Variants in ADGRG1 observed in about 807,000 individuals in gnomAD.
ADGRG1 encodes the protein adhesion G protein-coupled receptor G1, also known as 7-transmembrane protein with no EGF-like N-terminal domains-1.
Under a neutral mutation model 73.5 loss-of-function variants are expected in ADGRG1, and 53 were observed. That is an observed-to-expected ratio of 0.72 (90% confidence interval 0.58 to 0.91). ADGRG1 has a LOEUF of 0.91. Among genes scored for constraint, ADGRG1 ranks in the 40% least tolerant of loss-of-function variants. The pLI, the probability that ADGRG1 is intolerant of heterozygous loss-of-function variation, is 0.00. For missense variants in ADGRG1, 795 were observed against 871.8 expected (o/e 0.91, Z 1.11); for synonymous variants, 394 against 374.4 (o/e 1.05, Z -0.60).
intron 2 of ADGRG1, chr16:57,621,902 G>T: frequency 1.0e-6 from 1 of 983,064 alleles, no homozygotes; most frequent in South Asian, 4.7e-5. Flanking sequence ...CAGGAAGGGA[G>T]GTTTCTACAG....
chr16:57,647,310 G>C, intron 1 of ADGRG1: 1 of 985,336 alleles, frequency 1.0e-6, no homozygotes, highest in Non-Finnish European at 1.2e-6. Context: ...CATGCTCTAA[G>C]AATTTCCCCT....
chr16:57,632,226 C>T (rs561232591), intron 1 of ADGRG1: 47 of 985,344 alleles, frequency 4.8e-5, no homozygotes, highest in Non-Finnish European at 5.2e-5. Context: ...GGCACATGCT[C>T]GTGTCTTGAA....
At chr16:57,644,399 C>G (rs1435456545) in intron 1 of ADGRG1, among the ~76,000 whole-genome samples, 2 of 149,424 alleles carry the variant, frequency 1.3e-5, no homozygotes, top group South Asian at 2.1e-4. Context: ...CATATGCACA[C>G]TAATGCATGG....
At chr16:57,635,083 G>A (rs558473109) in intron 1 of ADGRG1, 1 of 985,322 alleles carries the variant, frequency 1.0e-6, no homozygotes, top group Non-Finnish European at 1.2e-6. Flanking sequence ...AGAGGCTGAG[G>A]GAGGTCAGGA....
rs546145304 is a variant in ADGRG1 at position 57,650,183 on chromosome 16, C to T, written c.-35-70C>T. ...TCCCACATCCATGCCACACTGGCCT[C>T]CTCTTCTGCAGGGCCAGCCCAACCA... On this transcript the variant is annotated intron_variant, in intron 1 of 13. Coordinates refer to ENST00000562631, the MANE Select transcript of ADGRG1 (RefSeq NM_201525.4). 1.1e-5 allele frequency: 18 copies of T among 1,573,818 alleles called. 1 individual carries two copies. The South Asian group carries it at 1.7e-4, about 15-fold the overall frequency.
At chr16:57,642,412 A>G in intron 1 of ADGRG1, 1 of 985,166 alleles carries the variant, frequency 1.0e-6, no homozygotes, top group Non-Finnish European at 1.2e-6. Flanking sequence ...GGGACAGCTC[A>G]AAGGGGAAGG....
At position 57,642,014 on chromosome 16, in the gene ADGRG1, A is replaced by G. The variant is rs140329167; in HGVS notation, c.-35-8239A>G. On this transcript the variant is annotated intron_variant, in intron 1 of 13. Transcript: ENST00000562631. ...GCAATTCTCTTGCCTCAGCCTCCCA[A>G]GTAGCTGGTACTACAGGCAAGCACT... 8.9e-3 allele frequency: 7,713 copies of G among 864,572 alleles called. 37 individuals carry two copies. The highest frequency in any genetic ancestry group is 9.8e-3 in the Non-Finnish European group (7,084 of 719,872). The allele number at this position is 864,572 out of a possible 1,614,324, so 53.6% of individuals were successfully genotyped here.
intron 1 of ADGRG1, chr16:57,648,376 C>T: frequency 1.2e-6 from 1 of 850,610 alleles, no homozygotes; most frequent in Non-Finnish European, 1.4e-6. Flanking sequence ...TTCCCTAAAA[C>T]ACTTTCACAT....
At chr16:57,635,613 C>T (rs770693111) in intron 1 of ADGRG1, 55 of 985,192 alleles carry the variant, frequency 5.6e-5, no homozygotes, top group Non-Finnish European at 6.6e-5. Flanking sequence ...ACCACGTGAG[C>T]ACAGGAGTGA....
chr16:57,659,799 A>G (rs2046644774), intron 11 of ADGRG1, 118 bp downstream of exon 11: 1 of 1,063,488 alleles, frequency 9.4e-7, no homozygotes, highest in Admixed American at 2.0e-5. Flanking sequence ...GGCCTCCTTC[A>G]CTCATCCTCA....
chr16:57,636,142 C>A, intron 1 of ADGRG1: 1 of 985,346 alleles, frequency 1.0e-6, no homozygotes, highest in East Asian at 1.1e-4. Context: ...GGAACGGGAC[C>A]CACTTTTCTT....
At chr16:57,651,741 G>T in intron 3 of ADGRG1, 119 bp downstream of exon 3, 1 of 1,502,600 alleles carries the variant, frequency 6.7e-7, no homozygotes, top group Middle Eastern at 2.3e-4. Flanking sequence ...TTGCTCACAG[G>T]CACTGGGGAG....
At position 57,654,068 on chromosome 16, in the gene ADGRG1, G is replaced by A. The variant is rs139207635; in HGVS notation, c.703G>A (p.Ala235Thr). The A allele has an allele frequency of 1.7e-5, 27 of 1,613,964 alleles. No homozygotes were observed. The highest frequency in any genetic ancestry group is 3.3e-5 in the Admixed American group (2 of 60,032). ...GTCCTTCGAGGAGGACCGGATCAAC[G>A]CCACGGTGTGGAAGCTCCAGCCCAC... ...MVSFEEDRIN[A>T]TVWKLQPTAG... Residue 235 changes from alanine to threonine, a missense_variant, in exon 5 of 14, where the codon GCC becomes ACC. Physicochemically the swap from Ala to Thr is moderately conservative, Grantham distance 58. Transcript: ENST00000562631.
At chr16:57,662,694 T>C (rs2047500001) in intron 13 of ADGRG1, among the ~76,000 whole-genome samples, 1 of 151,758 alleles carries the variant, frequency 6.6e-6, no homozygotes, top group South Asian at 2.1e-4. Context: ...TGGCGGCGGG[T>C]CGGGGCGGAG....
chr16:57,661,835 A>G lies in ADGRG1; in HGVS notation c.1803A>G (p.Ser601=). The change falls in exon 13 of 14, where the codon TCA becomes TCG. Residue 601 remains serine, a synonymous_variant. Coordinates refer to ENST00000562631, the MANE Select transcript of ADGRG1 (RefSeq NM_201525.4). ...TGCGCCCCCACACCCAAAAGTGGTC[A>G]CATGTGCTGACACTGCTGGGCCTCA... is the stretch of plus-strand genomic sequence containing the variant. ...LRLRPHTQKW[S]HVLTLLGLSL... is the part of the protein sequence containing the mutation. The G allele has an allele frequency of 1.9e-6, 3 of 1,614,224 alleles. No individual in the cohort carries two copies. Among genetic ancestry groups the G allele is most frequent in the South Asian group, 2.2e-5 (2 of 91,090 alleles).
chr16:57,631,618 G>A (rs1367993974), intron 1 of ADGRG1: 1 of 985,414 alleles, frequency 1.0e-6, no homozygotes, highest in African/African-American at 1.7e-5. Context: ...CACAGCAGAT[G>A]GGGACATCAT....
intron 2 of ADGRG1, 86 bp from the exon 3 acceptor site, chr16:57,651,114 C>G: frequency 6.2e-7 from 1 of 1,605,308 alleles, no homozygotes; most frequent in South Asian, 1.1e-5. Context: ...TCCAGGTTCA[C>G]ATGTACTCAG....
chr16:57,623,171 A>G (rs1256867650), upstream of ADGRG1: 2 of 979,146 alleles, frequency 2.0e-6, no homozygotes, highest in African/African-American at 3.5e-5. Context: ...GGGAAAATGC[A>G]AGTCACCTGC....
Position 57,634,033 on chromosome 16 carries a change from G to A in ADGRG1, c.-36+5231G>A, listed in dbSNP as rs998698569. 9 of 981,424 alleles carry A rather than the reference G, an allele frequency of 9.2e-6. No individual in the cohort carries two copies. In the South Asian group the frequency reaches 3.3e-4, roughly 36 times the overall value. The allele number at this position is 981,424 out of a possible 1,614,324, so 60.8% of individuals were successfully genotyped here. On this transcript the variant is annotated intron_variant, in intron 1 of 13. Transcript: ENST00000562631. ...TGGAGCCATTACCCACAGAACCGCCGACCTTTCAAAGGACCAGAGGCCATG... is the reference window on the plus strand; with the variant it reads ...TGGAGCCATTACCCACAGAACCGCCAACCTTTCAAAGGACCAGAGGCCATG...
Sources: allele counts gnomAD v4.1 joint callset (sites outside exome capture counted in the v4.1 genomes callset), GRCh38; gene constraint gnomAD v4.1.1; transcripts MANE v1.5; gene names NCBI Gene and HGNC (gene_info 2026-07-23, HGNC 2026-07-21).